TIMP1: variants seen among roughly 807,000 people sequenced by gnomAD.
TIMP1 encodes TIMP metallopeptidase inhibitor 1, also known as metalloproteinase inhibitor 1.
Under a neutral mutation model 13.7 loss-of-function variants are expected in TIMP1, and 5 were observed. That is an observed-to-expected ratio of 0.36 (90% CI 0.19 to 0.76). The LOEUF (loss-of-function observed/expected upper bound fraction) is 0.76. Ranked by LOEUF, TIMP1 falls within the 30% of genes least tolerant of loss-of-function variation. The pLI is 0.51. For synonymous variants in TIMP1, 63 were observed against 67.1 expected (o/e 0.94, Z 0.30); for missense variants, 131 against 168.4 (o/e 0.78, Z 1.23).
At chrX:47,586,047 C>T (rs1037625392) in intron 5 of TIMP1, 16 of 969,420 alleles carry the variant, frequency 1.7e-5, no homozygotes, top group Non-Finnish European at 2.1e-5. Context: ...AGCACATCTG[C>T]TTGTTGCTCT....
At position 47,584,992 on chromosome X, in the gene TIMP1, C is replaced by T. The variant is rs769724738; in HGVS notation, c.178C>T (p.Arg60Cys). ...AGTCAACCAGACCACCTTATACCAG[C>T]GTTATGAGATCAAGATGACCAAGGT... ...PEVNQTTLYQ[R>C]YEIKMTKMYK... Residue 60 changes from arginine (R) to cysteine (C), a missense_variant, in exon 3 of 6, where the codon CGT (arginine) becomes TGT (cysteine). Arg to Cys is a radical substitution (Grantham distance 180). Transcript: ENST00000218388. 147 of 1,208,950 alleles carry T rather than the reference C, an allele frequency of 1.2e-4. 1 individual carries two copies. The highest frequency in any genetic ancestry group is 1.4e-4 in the Non-Finnish European group (128 of 894,877).
chrX:47,585,730 G>C, intron 5 of TIMP1, 63 bp downstream of exon 5: 5 of 1,193,267 alleles, frequency 4.2e-6, no homozygotes, highest in Non-Finnish European at 5.6e-6. Flanking sequence ...CTAAATCGTG[G>C]GCTTGTTTCT....
chrX:47,585,335 A>G lies in TIMP1; in HGVS notation c.328+4A>G. 3 of 1,211,500 alleles carry G rather than the reference A, an allele frequency of 2.5e-6. No individual in the cohort carries two copies. Among genetic ancestry groups the G allele is most frequent in the Non-Finnish European group, 3.4e-6 (3 of 895,348 alleles). ...AGCGAGGAGTTTCTCATTGCTGGTG[A>G]GGCACCGTCCCCGCGCCCTGTGCCA... On this transcript the variant is annotated splice_donor_region_variant and intron_variant, in intron 4 of 5. Transcript: ENST00000218388.
At chrX:47,583,740 C>T (rs1364702302) in intron 2 of TIMP1, among the ~76,000 whole-genome samples, 2 of 112,097 alleles carry the variant, frequency 1.8e-5, no homozygotes, top group African/African-American at 6.5e-5. Flanking sequence ...CTCCCTCTGC[C>T]TGGTACACTT....
At position 47,585,098 on chromosome X, in the gene TIMP1, T is replaced by C. The variant is rs1268577203; in HGVS notation, c.201+83T>C. ...ACAGAAACTTCTGGCCACTGGTTGG[T>C]GCGAGAAAGTTGGCTGTGATCTTGG... On this transcript the variant is annotated intron_variant, in intron 3 of 5. Coordinates refer to ENST00000218388, the MANE Select transcript of TIMP1 (RefSeq NM_003254.3). 2.6e-6 allele frequency: 3 copies of C among 1,167,178 alleles called. No homozygotes were observed. The East Asian group carries it at 9.0e-5, about 35-fold the overall frequency.
At chrX:47,585,090 C>G in intron 3 of TIMP1, 75 bp downstream of exon 3, 4 of 1,173,327 alleles carry the variant, frequency 3.4e-6, no homozygotes. Context: ...CTTCTGGCCA[C>G]TGGTTGGTGC....
At chrX:47,584,299 G>A (rs182089471) in intron 2 of TIMP1, among the ~76,000 whole-genome samples, 8 of 111,138 alleles carry the variant, frequency 7.2e-5, no homozygotes, top group African/African-American at 2.6e-4. Flanking sequence ...CAGGTATTGA[G>A]GATGATCAGA....
intron 1 of TIMP1, 119 bp from the exon 2 acceptor site, chrX:47,583,289 C>T: frequency 1.9e-6 from 1 of 517,069 alleles, no homozygotes; most frequent in Non-Finnish European, 3.1e-6. Context: ...CCCCTCAAGC[C>T]CAAATCCAGC....
intron 2 of TIMP1, 111 bp downstream of exon 2, chrX:47,583,647 C>A: frequency 1.1e-6 from 1 of 918,787 alleles, no homozygotes; most frequent in Non-Finnish European, 1.5e-6. Context: ...CCCTGCACTT[C>A]CTCTGCTTTA....
At chrX:47,584,398 A>T (rs1188330423) in intron 2 of TIMP1, among the ~76,000 whole-genome samples, 1 of 111,332 alleles carries the variant, frequency 9.0e-6, no homozygotes, top group African/African-American at 3.3e-5. Flanking sequence ...TGACTTAGCA[A>T]GGCTCTCGGC....
chrX:47,585,338 C>T lies in TIMP1; in HGVS notation c.328+7C>T. 8.3e-7 allele frequency: 1 copy of T among 1,211,579 alleles called. No homozygotes were observed. Among genetic ancestry groups the T allele is most frequent in the Non-Finnish European group, 1.1e-6 (1 of 895,368 alleles). ...GAGGAGTTTCTCATTGCTGGTGAGG[C>T]ACCGTCCCCGCGCCCTGTGCCACAC... On this transcript the variant is annotated splice_region_variant and intron_variant, in intron 4 of 5. Coordinates refer to ENST00000218388, the MANE Select transcript of TIMP1 (RefSeq NM_003254.3).
At chrX:47,582,556 G>A (rs776441677) in intron 1 of TIMP1, 82 bp downstream of exon 1, 7 of 359,046 alleles carry the variant, frequency 1.9e-5, no homozygotes, top group Middle Eastern at 4.5e-4. Context: ...GTGCACTCCC[G>A]TGCCAGATGC....
At chrX:47,585,449 A>T in intron 4 of TIMP1, 94 bp from the exon 5 acceptor site, 1 of 1,193,167 alleles carries the variant, frequency 8.4e-7, no homozygotes, top group Non-Finnish European at 1.1e-6. Flanking sequence ...GGACCACCCC[A>T]ATTTCAGTCT....
chrX:47,586,468 C>T lies in TIMP1; in HGVS notation c.454-53C>T, dbSNP rs2057827096. On this transcript the variant is annotated intron_variant, in intron 5 of 5. Coordinates refer to ENST00000218388, the MANE Select transcript of TIMP1 (RefSeq NM_003254.3). ...AAAGCTGAGGAGAGGAAGTTCTGCT[C>T]CACGGGGGAGGCAGGGAGAAGCCCT... 56 of 1,186,802 alleles carry T rather than the reference C, an allele frequency of 4.7e-5. 1 individual carries two copies. In the South Asian group the frequency reaches 9.7e-4, roughly 20 times the overall value.
At chrX:47,582,962 C>T (rs755264637) in intron 1 of TIMP1, among the ~76,000 whole-genome samples, 1 of 87,910 alleles carries the variant, frequency 1.1e-5, no homozygotes, top group South Asian at 6.7e-4. Context: ...CCTAAACCCC[C>T]AACCTCCTCC....
chrX:47,584,927 C>T lies in TIMP1; in HGVS notation c.122-9C>T. ...TCCATTTGACTCATATTTCCCTCCT[C>T]TCCTGCAGTCATCAGGGCCAAGTTC... On this transcript the variant is annotated splice_polypyrimidine_tract_variant and intron_variant, in intron 2 of 5. Transcript: ENST00000218388. The T allele has an allele frequency of 8.3e-7, 1 of 1,207,274 alleles. No homozygotes were observed. Among genetic ancestry groups the T allele is most frequent in the South Asian group, 1.8e-5 (1 of 56,651 alleles).
Position 47,585,687 on chromosome X carries a change from C to T in TIMP1, c.453+20C>T, listed in dbSNP as rs375974345. 6 of 1,206,337 alleles carry T rather than the reference C, an allele frequency of 5.0e-6. No individual in the cohort carries two copies. In the African/African-American group the frequency reaches 7.0e-5, roughly 14 times the overall value. On this transcript the variant is annotated intron_variant, in intron 5 of 5. Coordinates refer to ENST00000218388, the MANE Select transcript of TIMP1 (RefSeq NM_003254.3). ...TGCACAGTGAGTGCCTGGACCCTGA[C>T]CTCCAACGGGAGATCCTTCCCGGGG...
chrX:47,586,445 A>T, intron 5 of TIMP1, 76 bp from the exon 6 acceptor site: 1 of 1,163,110 alleles, frequency 8.6e-7, no homozygotes, highest in African/African-American at 1.8e-5. Context: ...CAGTGTTGAA[A>T]GCTGAGGAGA....
At position 47,583,519 on chromosome X, in the gene TIMP1, T is replaced by C; in HGVS notation, c.104T>C (p.Phe35Ser). The change falls in exon 2 of 6, where the codon TTC (phenylalanine) becomes TCC (serine). Residue 35 changes from phenylalanine (F) to serine (S), a missense_variant. Transcript: ENST00000218388. ...GTCCCACCCCACCCACAGACGGCCT[T>C]CTGCAATTCCGACCTCGGTGAGTCC... is the stretch of plus-strand genomic sequence containing the variant. ...TCVPPHPQTA[F>S]CNSDLVIRAK... The C allele has an allele frequency of 2.5e-6, 3 of 1,198,705 alleles. No individual in the cohort carries two copies. Among genetic ancestry groups the C allele is most frequent in the Non-Finnish European group, 3.4e-6 (3 of 888,545 alleles).
Sources: gnomAD v4.1 joint callset for allele counts (sites outside exome capture counted in the v4.1 genomes callset) on GRCh38, gnomAD v4.1.1 for gene constraint, MANE v1.5 for transcripts, NCBI Gene and HGNC (gene_info 2026-07-23, HGNC 2026-07-21) for gene names.